Variants in MACROD2 observed in about 807,000 individuals in gnomAD.
MACROD2 encodes the protein mono-ADP ribosylhydrolase 2, also known as ADP-ribose glycohydrolase MACROD2.
Under a neutral mutation model 70.4 loss-of-function variants are expected in MACROD2, and 36 were observed. That is an observed-to-expected ratio of 0.51 (90% CI 0.39 to 0.68). The LOEUF (loss-of-function observed/expected upper bound fraction) is 0.68, where lower values mean the gene tolerates loss of function less well. Ranked by LOEUF, MACROD2 falls within the 30% of genes least tolerant of loss-of-function variation. The pLI, the probability that MACROD2 is intolerant of heterozygous loss-of-function variation, is 0.00. For missense variants in MACROD2, 496 were observed against 538.4 expected, an observed-to-expected ratio of 0.92 and a Z score of 0.78; for synonymous variants, 172 against 178.8, an observed-to-expected ratio of 0.96 and a Z score of 0.30.
In MACROD2 at chr20:15,898,288, G is replaced by A. The variant is rs545502468; in HGVS notation, c.775+12477G>A. On this transcript the variant is annotated intron_variant, in intron 10 of 17. Coordinates refer to ENST00000684519, the MANE Select transcript of MACROD2 (RefSeq NM_001351661.2). ...CCATCAGCTTCACCTGGAAGCTCAT[G>A]CCTATAATCCCAGCACTTTGGGAGC... 2.6e-5 allele frequency among the ~76,000 whole-genome samples: 4 copies of A among 152,154 alleles called. No homozygotes were observed. The East Asian group carries it at 5.8e-4, about 22-fold the overall frequency.
chr20:14,699,954 A>G (rs1287452852), intron 5 of MACROD2, among the ~76,000 whole-genome samples: 3 of 148,510 alleles, frequency 2.0e-5, no homozygotes, highest in African/African-American at 7.6e-5. Flanking sequence ...AGAAGTTTAA[A>G]GTTTAAACTT....
intron 6 of MACROD2, among the ~76,000 whole-genome samples, chr20:15,423,559 G>A (rs1311437060): frequency 6.6e-6 from 1 of 151,540 alleles, no homozygotes; most frequent in African/African-American, 2.4e-5. Context: ...AGCAGGTTTG[G>A]TGTCTGTCAA....
At chr20:15,584,394 A>G (rs983041795) in intron 8 of MACROD2, among the ~76,000 whole-genome samples, 17 of 151,128 alleles carry the variant, frequency 1.1e-4, no homozygotes, top group African/African-American at 4.2e-4. Context: ...CTGAGATAAA[A>G]TGGAATAGCT....
At chr20:14,367,996 TGTTA>T (rs550169957) in intron 3 of MACROD2, among the ~76,000 whole-genome samples, 10 of 152,312 alleles carry the variant, frequency 6.6e-5, no homozygotes, top group African/African-American at 1.4e-4. Context: ...AAGTTTTTCA[TGTTA>T]GTTATTGTAC....
At chr20:15,421,913 GGAAGACCTCTTC>G (rs1804071752) in intron 6 of MACROD2, among the ~76,000 whole-genome samples, 1 of 152,216 alleles carries the variant, frequency 6.6e-6, no homozygotes, top group Non-Finnish European at 1.5e-5. Flanking sequence ...CTGGAGGCTA[GGAAGACCTCTTC>G]GAGGAGGTGA....
At chr20:15,629,980 A>C (rs2049264553) in intron 8 of MACROD2, among the ~76,000 whole-genome samples, 1 of 151,740 alleles carries the variant, frequency 6.6e-6, no homozygotes, top group African/African-American at 2.4e-5. Context: ...CTGCCCTTTC[A>C]TTTTTTTTCC....
chr20:14,478,644 C>T (rs1441454321), intron 3 of MACROD2, among the ~76,000 whole-genome samples: 1 of 152,076 alleles, frequency 6.6e-6, no homozygotes, highest in Non-Finnish European at 1.5e-5. Flanking sequence ...AGGGCCTACT[C>T]TCTTTCTCAA....
intron 3 of MACROD2, among the ~76,000 whole-genome samples, chr20:14,140,776 C>T (rs1323305713): frequency 6.6e-6 from 1 of 152,036 alleles, no homozygotes; most frequent in Non-Finnish European, 1.5e-5. Flanking sequence ...AATGCACCTG[C>T]CAGAGACCTC....
rs1175211796 is a variant in MACROD2 at position 15,322,969 on chromosome 20, TC to T, written c.540+92909del. Among the ~76,000 whole-genome samples the T allele has an allele frequency of 3.5e-5, 5 of 144,172 alleles. 2 individuals carry two copies. Among genetic ancestry groups the T allele is most frequent in the Non-Finnish European group, 7.9e-5 (5 of 63,670 alleles). 94.6% of individuals were successfully genotyped at this position (144,172 alleles called of 152,430 possible). ...TCTGAATTCTGGTCCTGCCTCTCTG[TC>T]AGTGAGCCCTGTGGTTGTGGCTAAG... On this transcript the variant is annotated intron_variant, in intron 6 of 17. Transcript: ENST00000684519.
At chr20:14,279,045 A>AT (rs948178710) in intron 3 of MACROD2, among the ~76,000 whole-genome samples, 2 of 152,180 alleles carry the variant, frequency 1.3e-5, no homozygotes, top group African/African-American at 4.8e-5. Flanking sequence ...ATTGGAGGCC[A>AT]TTAGAGGCCT....
At chr20:15,076,097 G>C (rs1350250608) in intron 5 of MACROD2, among the ~76,000 whole-genome samples, 1 of 148,466 alleles carries the variant, frequency 6.7e-6, no homozygotes, top group Admixed American at 6.6e-5. Flanking sequence ...ATGTGTGTCT[G>C]TGTGAATAAA....
chr20:14,869,410 G>A (rs1371330112), intron 5 of MACROD2, among the ~76,000 whole-genome samples: 1 of 152,086 alleles, frequency 6.6e-6, no homozygotes, highest in African/African-American at 2.4e-5. Context: ...AAAGCTCAAG[G>A]AAAGCCGTCA....
At position 14,119,937 on chromosome 20, in the gene MACROD2, G is replaced by A. The variant is rs533432328; in HGVS notation, c.271+34209G>A. ...AAAGAAGACATTTAAGGCCAGGCAC[G>A]GTGGCTCACGCCTGTAATCCCAGCA... On this transcript the variant is annotated intron_variant, in intron 3 of 17. Coordinates refer to ENST00000684519, the MANE Select transcript of MACROD2 (RefSeq NM_001351661.2). Among the ~76,000 whole-genome samples the A allele has an allele frequency of 2.6e-5, 4 of 152,212 alleles. No homozygotes were observed. The East Asian group carries it at 5.8e-4, about 22-fold the overall frequency.
chr20:14,879,761 A>T (rs1353298570), intron 5 of MACROD2, among the ~76,000 whole-genome samples: 2 of 152,162 alleles, frequency 1.3e-5, no homozygotes, highest in Non-Finnish European at 2.9e-5. Context: ...TATTTTTTAA[A>T]GCAAATTAGT....
chr20:14,960,173 C>T (rs1348832428), intron 5 of MACROD2, among the ~76,000 whole-genome samples: 1 of 152,166 alleles, frequency 6.6e-6, no homozygotes, highest in Non-Finnish European at 1.5e-5. Flanking sequence ...TGTCTAATCC[C>T]TCTACAGCCC....
intron 4 of MACROD2, among the ~76,000 whole-genome samples, chr20:14,655,351 G>GTGTGTGTGTC (rs1555812015): frequency 1.3e-5 from 2 of 151,258 alleles, no homozygotes; most frequent in African/African-American, 4.9e-5. Flanking sequence ...GTGTGTGTGT[G>GTGTGTGTGTC]TGTGTGTTTT....
intron 6 of MACROD2, among the ~76,000 whole-genome samples, chr20:15,275,481 G>A (rs2077382924): frequency 6.6e-6 from 1 of 152,172 alleles, no homozygotes; most frequent in Non-Finnish European, 1.5e-5. Context: ...ATCTTGCTGT[G>A]CACCCGGTAA....
chr20:15,684,406 G>A (rs147925886), intron 8 of MACROD2, among the ~76,000 whole-genome samples: 8 of 152,172 alleles, frequency 5.3e-5, no homozygotes, highest in African/African-American at 1.9e-4. Flanking sequence ...AAATTGTGAG[G>A]GAGATATCTT....
At chr20:14,574,715 T>A (rs574694126) in intron 4 of MACROD2, among the ~76,000 whole-genome samples, 21 of 151,196 alleles carry the variant, frequency 1.4e-4, no homozygotes, top group African/African-American at 4.8e-4. Flanking sequence ...TATATCACAT[T>A]TTATAAATAT....
Sources: gnomAD v4.1 joint callset for allele counts (sites outside exome capture counted in the v4.1 genomes callset) on GRCh38, gnomAD v4.1.1 for gene constraint, MANE v1.5 for transcripts, NCBI Gene and HGNC (gene_info 2026-07-23, HGNC 2026-07-21) for gene names.